Variants in C1orf74 observed in about 807,000 individuals in gnomAD.
C1orf74 encodes the protein UPF0739 protein C1orf74.
A neutral mutation model predicts 7.3 loss-of-function variants in C1orf74; 5 were observed. That is an observed-to-expected ratio of 0.68 (90% confidence interval 0.36 to 1.44). The LOEUF (loss-of-function observed/expected upper bound fraction) is 1.44. Ranked by LOEUF, C1orf74 falls within the 40% of genes most tolerant of loss-of-function variation. The pLI is 0.04. For synonymous variants in C1orf74, 121 were observed against 132.5 expected (o/e 0.91, Z 0.59); for missense variants, 291 against 314.3 (o/e 0.93, Z 0.56).
chr1:209,781,416 C>T lies in C1orf74; in HGVS notation c.*1409G>A, dbSNP rs1177015290. ...TCTCCTGCCTGCGTAAGCTGCAGCA[C>T]TGTCGAGAAGAGCTGAACCAGAGCC... On this transcript the variant is annotated 3_prime_UTR_variant, in exon 2 of 2. Coordinates refer to ENST00000294811, the MANE Select transcript of C1orf74 (RefSeq NM_152485.4). 1 of 1,613,672 alleles carries T rather than the reference C, an allele frequency of 6.2e-7. No homozygotes were observed. The highest frequency in any genetic ancestry group is 8.5e-7 in the Non-Finnish European group (1 of 1,179,784).
Position 209,783,583 on chromosome 1 carries a change from C to T in C1orf74, c.52G>A (p.Ala18Thr). Residue 18 changes from alanine to threonine, a missense_variant, in exon 2 of 2, where the codon GCT (alanine) becomes ACT (threonine). Transcript: ENST00000294811. ...SSPSPQLLVAAAQQTLGMGKR... is the reference protein window; with the variant it reads ...SSPSPQLLVATAQQTLGMGKR... ...CCCATGCCAAGGGTCTGCTGAGCAG[C>T]TGCCACCAGCAGCTGAGGGCTCGGT... is the stretch of plus-strand genomic sequence containing the variant. 1 of 1,611,688 alleles carries T rather than the reference C, an allele frequency of 6.2e-7. No homozygotes were observed. The highest frequency in any genetic ancestry group is 8.5e-7 in the Non-Finnish European group (1 of 1,179,066).
intron 1 of C1orf74, 77 bp from the exon 2 acceptor site, chr1:209,783,786 C>T (rs1218362501): frequency 3.1e-6 from 2 of 644,784 alleles, no homozygotes; most frequent in Non-Finnish European, 5.3e-6. Context: ...GTTATTCTGT[C>T]CCTCCCTGCT....
In C1orf74 at chr1:209,781,013, T is replaced by C. The variant is rs2077766839; in HGVS notation, c.*1812A>G. 5 of 194,632 alleles carry C rather than the reference T, an allele frequency of 2.6e-5. No individual in the cohort carries two copies. The South Asian group carries it at 3.9e-4, about 15-fold the overall frequency. 12.1% of individuals were successfully genotyped at this position (194,632 alleles called of 1,614,324 possible). A position where few individuals can be genotyped will look rare whatever the true frequency, so the allele number is the denominator to read the frequency against. On this transcript the variant is annotated 3_prime_UTR_variant, in exon 2 of 2. Coordinates refer to ENST00000294811, the MANE Select transcript of C1orf74 (RefSeq NM_152485.4). ...GCAACTAGCTCCTGGGAAAGAAACT[T>C]GTACTAAGGTCACTTCTAGGTCGTT...
chr1:209,780,362 G>C lies in C1orf74; in HGVS notation c.*2463C>G, dbSNP rs189288357. The C allele has an allele frequency of 2.8e-6, 3 of 1,081,852 alleles. No homozygotes were observed. The highest frequency in any genetic ancestry group is 3.7e-6 in the Non-Finnish European group (3 of 801,252). The allele number at this position is 1,081,852 out of a possible 1,614,324, so 67.0% of individuals were successfully genotyped here. A position where few individuals can be genotyped will look rare whatever the true frequency, so the allele number is the denominator to read the frequency against. The stretch of plus-strand genomic sequence containing the variant: ...ATGCCATCAGTCTAGCCAAGAGCAC[G>C]CCCTCCCAAGTTCCCTCCCCTCTCC... On this transcript the variant is annotated 3_prime_UTR_variant, in exon 2 of 2. Transcript: ENST00000294811.
In C1orf74 at chr1:209,782,316, C is replaced by T; in HGVS notation, c.*509G>A. The T allele has an allele frequency of 1.7e-6, 1 of 603,086 alleles. No homozygotes were observed. The allele number at this position is 603,086 out of a possible 1,614,324, so 37.4% of individuals were successfully genotyped here. A position where few individuals can be genotyped will look rare whatever the true frequency, so the allele number is the denominator to read the frequency against. Reference sequence around the variant, plus strand: ...ATAAACTTCACCTGACCAGATTGTTCCTCAGAACTCTCAGTTTATTCCTGA... The same window carrying T: ...ATAAACTTCACCTGACCAGATTGTTTCTCAGAACTCTCAGTTTATTCCTGA... On this transcript the variant is annotated 3_prime_UTR_variant, in exon 2 of 2. Coordinates refer to ENST00000294811, the MANE Select transcript of C1orf74 (RefSeq NM_152485.4).
chr1:209,784,359 A>G lies in C1orf74; in HGVS notation c.-76+19T>C, dbSNP rs1021697497. On this transcript the variant is annotated intron_variant, in intron 1 of 1. Transcript: ENST00000294811. Reference sequence around the variant, plus strand: ...GTTATAGTGATTTGCTAAATGAGGCATAAGTCTGTCTCACATACGTTCTTT... The same window carrying G: ...GTTATAGTGATTTGCTAAATGAGGCGTAAGTCTGTCTCACATACGTTCTTT... The G allele has an allele frequency of 1.3e-5, 2 of 152,274 alleles. No homozygotes were observed. Among genetic ancestry groups the G allele is most frequent in the East Asian group, 1.9e-4 (1 of 5,202 alleles). The allele number at this position is 152,274 out of a possible 1,614,324, so 9.4% of individuals were successfully genotyped here.
At position 209,781,825 on chromosome 1, in the gene C1orf74, A is replaced by C. The variant is rs1251940869; in HGVS notation, c.*1000T>G. 1.8e-6 allele frequency: 1 copy of C among 550,156 alleles called. No homozygotes were observed. The highest frequency in any genetic ancestry group is 1.9e-5 in the African/African-American group (1 of 52,932). The allele number at this position is 550,156 out of a possible 1,614,324, so 34.1% of individuals were successfully genotyped here. On this transcript the variant is annotated 3_prime_UTR_variant, in exon 2 of 2. Transcript: ENST00000294811. The stretch of plus-strand genomic sequence containing the variant: ...TTTTCCACCCTTCATTATTCATATC[A>C]GTATTTATATATCTGGTCCCTGATG...
Position 209,780,385 on chromosome 1 carries a change from T to C in C1orf74, c.*2440A>G, listed in dbSNP as rs949247006. ...ACGCCCTCCCAAGTTCCCTCCCCTC[T>C]CCCCACTCCTAGTGGTTTCACCCTC... On this transcript the variant is annotated 3_prime_UTR_variant, in exon 2 of 2. Coordinates refer to ENST00000294811, the MANE Select transcript of C1orf74 (RefSeq NM_152485.4). 1.6e-4 allele frequency: 211 copies of C among 1,306,422 alleles called. 2 individuals carry two copies. In the Middle Eastern group the frequency reaches 6.6e-3, roughly 41 times the overall value. 80.9% of individuals were successfully genotyped at this position (1,306,422 alleles called of 1,614,324 possible).
In C1orf74 at chr1:209,781,374, C is replaced by A. The variant is rs1222622368; in HGVS notation, c.*1451G>T. 4 of 1,613,274 alleles carry A rather than the reference C, an allele frequency of 2.5e-6. No homozygotes were observed. Among genetic ancestry groups the A allele is most frequent in the East Asian group, 4.5e-5 (2 of 44,878 alleles). ...GAGAACTGCATTCAGAATTAGACAA[C>A]CTCAGTGACGAGTATCTCTCCTGCC... On this transcript the variant is annotated 3_prime_UTR_variant, in exon 2 of 2. Coordinates refer to ENST00000294811, the MANE Select transcript of C1orf74 (RefSeq NM_152485.4).
In C1orf74 at chr1:209,780,391, C is replaced by A. The variant is rs2077750202; in HGVS notation, c.*2434G>T. On this transcript the variant is annotated 3_prime_UTR_variant, in exon 2 of 2. Coordinates refer to ENST00000294811, the MANE Select transcript of C1orf74 (RefSeq NM_152485.4). ...TCCCAAGTTCCCTCCCCTCTCCCCACTCCTAGTGGTTTCACCCTCAGGGCC... is the reference window on the plus strand; with the variant it reads ...TCCCAAGTTCCCTCCCCTCTCCCCAATCCTAGTGGTTTCACCCTCAGGGCC... 3 of 1,356,988 alleles carry A rather than the reference C, an allele frequency of 2.2e-6. No individual in the cohort carries two copies. The highest frequency in any genetic ancestry group is 2.9e-6 in the Non-Finnish European group (3 of 1,031,808). 84.1% of individuals were successfully genotyped at this position (1,356,988 alleles called of 1,614,324 possible).
At position 209,783,059 on chromosome 1, in the gene C1orf74, G is replaced by C. The variant is rs2077807426; in HGVS notation, c.576C>G (p.Asp192Glu). The change falls in exon 2 of 2, where the codon GAC becomes GAG. Residue 192 changes from aspartate (D) to glutamate (E), a missense_variant. Coordinates refer to ENST00000294811, the MANE Select transcript of C1orf74 (RefSeq NM_152485.4). The stretch of plus-strand genomic sequence containing the variant: ...GTAGTGGAGTCAGAGCTAAGCAGTT[G>C]TCATCTCCCTGGTTCAGGTGAAAGG... The part of the protein sequence containing the change: ...PYTFHLNQGD[D>E]NCLALTPLRV... 6.2e-7 allele frequency: 1 copy of C among 1,614,074 alleles called. No individual in the cohort carries two copies. The highest frequency in any genetic ancestry group is 1.7e-5 in the Admixed American group (1 of 59,990).
chr1:209,782,521 T>C lies in C1orf74; in HGVS notation c.*304A>G, dbSNP rs1343901634. On this transcript the variant is annotated 3_prime_UTR_variant, in exon 2 of 2. Coordinates refer to ENST00000294811, the MANE Select transcript of C1orf74 (RefSeq NM_152485.4). Reference sequence around the variant, plus strand: ...ACCATGCAAGAGTGTTTGGCTTGTCTTCCATCACCCTGCTTTTCCTCTATC... The same window carrying C: ...ACCATGCAAGAGTGTTTGGCTTGTCCTCCATCACCCTGCTTTTCCTCTATC... The C allele has an allele frequency of 2.1e-6, 1 of 484,278 alleles. No individual in the cohort carries two copies. Among genetic ancestry groups the C allele is most frequent in the Admixed American group, 3.6e-5 (1 of 27,688 alleles). 30.0% of individuals were successfully genotyped at this position (484,278 alleles called of 1,614,324 possible). A position where few individuals can be genotyped will look rare whatever the true frequency, so the allele number is the denominator to read the frequency against.
At position 209,782,000 on chromosome 1, in the gene C1orf74, A is replaced by C. The variant is rs140967802; in HGVS notation, c.*825T>G. Reference sequence around the variant, plus strand: ...GTAGGAAGAAGAAAGATTTTTGCCTATATCTTTTCCAATCCACTCATGGCC... The same window carrying C: ...GTAGGAAGAAGAAAGATTTTTGCCTCTATCTTTTCCAATCCACTCATGGCC... On this transcript the variant is annotated 3_prime_UTR_variant, in exon 2 of 2. Coordinates refer to ENST00000294811, the MANE Select transcript of C1orf74 (RefSeq NM_152485.4). 7.0e-7 allele frequency: 1 copy of C among 1,428,772 alleles called. No homozygotes were observed. Among genetic ancestry groups the C allele is most frequent in the Non-Finnish European group, 9.9e-7 (1 of 1,011,954 alleles). 88.5% of individuals were successfully genotyped at this position (1,428,772 alleles called of 1,614,324 possible). A position where few individuals can be genotyped will look rare whatever the true frequency, so the allele number is the denominator to read the frequency against.
chr1:209,782,022 G>A lies in C1orf74; in HGVS notation c.*803C>T. On this transcript the variant is annotated 3_prime_UTR_variant, in exon 2 of 2. Coordinates refer to ENST00000294811, the MANE Select transcript of C1orf74 (RefSeq NM_152485.4). ...CCTATATCTTTTCCAATCCACTCAT[G>A]GCCACTTTCTTCTGTCTCCCTGTCC... 6.4e-7 allele frequency: 1 copy of A among 1,560,070 alleles called. No individual in the cohort carries two copies. The highest frequency in any genetic ancestry group is 8.8e-7 in the Non-Finnish European group (1 of 1,130,744).
rs765735571 is a variant in C1orf74 at position 209,783,478 on chromosome 1, C to A, written c.157G>T (p.Ala53Ser). ...VLAVARGLKP[A>S]VLYDCNCAGA... The stretch of plus-strand genomic sequence containing the variant: ...GCACAGTTGCAATCATAGAGCACAG[C>A]TGGCTTCAGTCCCCGGGCCACAGCC... The change falls in exon 2 of 2, where the codon GCT (alanine) becomes TCT (serine). Residue 53 changes from alanine to serine, a missense_variant. Ala to Ser is a moderately conservative substitution (Grantham distance 99). Coordinates refer to ENST00000294811, the MANE Select transcript of C1orf74 (RefSeq NM_152485.4). 2 of 1,614,052 alleles carry A rather than the reference C, an allele frequency of 1.2e-6. No individual in the cohort carries two copies.
In C1orf74 at chr1:209,783,486, A is replaced by G; in HGVS notation, c.149T>C (p.Leu50Pro). Residue 50 changes from leucine (L) to proline (P), a missense_variant, in exon 2 of 2, where the codon CTG becomes CCG. Coordinates refer to ENST00000294811, the MANE Select transcript of C1orf74 (RefSeq NM_152485.4). ...GCAATCATAGAGCACAGCTGGCTTC[A>G]GTCCCCGGGCCACAGCCAGCACCTC... is the stretch of plus-strand genomic sequence containing the variant. ...AGEVLAVARGLKPAVLYDCNC... is the reference protein window; with the variant it reads ...AGEVLAVARGPKPAVLYDCNC... 1.2e-6 allele frequency: 2 copies of G among 1,614,208 alleles called. No individual in the cohort carries two copies. The highest frequency in any genetic ancestry group is 1.7e-6 in the Non-Finnish European group (2 of 1,180,032).
In C1orf74 at chr1:209,783,581, A is replaced by G; in HGVS notation, c.54T>C (p.Ala18=). The change falls in exon 2 of 2, where the codon GCT becomes GCC. Residue 18 remains alanine, a synonymous_variant. Coordinates refer to ENST00000294811, the MANE Select transcript of C1orf74 (RefSeq NM_152485.4). ...SSPSPQLLVA[A]AQQTLGMGKR... ...TTCCCATGCCAAGGGTCTGCTGAGC[A>G]GCTGCCACCAGCAGCTGAGGGCTCG... is the stretch of plus-strand genomic sequence containing the variant. 6.2e-7 allele frequency: 1 copy of G among 1,611,834 alleles called. No individual in the cohort carries two copies. The highest frequency in any genetic ancestry group is 8.5e-7 in the Non-Finnish European group (1 of 1,179,172).
In C1orf74 at chr1:209,781,489, T is replaced by G. The variant is rs766038096; in HGVS notation, c.*1336A>C. The G allele has an allele frequency of 6.7e-7, 1 of 1,503,060 alleles. No homozygotes were observed. Among genetic ancestry groups the G allele is most frequent in the South Asian group, 1.1e-5 (1 of 88,418 alleles). 93.1% of individuals were successfully genotyped at this position (1,503,060 alleles called of 1,614,324 possible). A position where few individuals can be genotyped will look rare whatever the true frequency, so the allele number is the denominator to read the frequency against. On this transcript the variant is annotated 3_prime_UTR_variant, in exon 2 of 2. Transcript: ENST00000294811. Reference sequence around the variant, plus strand: ...AGGGTCTCTCCTTCCCATAAAGCCCTGGATGATGGGACGATTCCTTCTTTA... The same window carrying G: ...AGGGTCTCTCCTTCCCATAAAGCCCGGGATGATGGGACGATTCCTTCTTTA...
Position 209,782,196 on chromosome 1 carries a change from A to G in C1orf74, c.*629T>C. 1 of 1,493,582 alleles carries G rather than the reference A, an allele frequency of 6.7e-7. No homozygotes were observed. The highest frequency in any genetic ancestry group is 1.7e-5 in the Admixed American group (1 of 59,856). The allele number at this position is 1,493,582 out of a possible 1,614,324, so 92.5% of individuals were successfully genotyped here. A position where few individuals can be genotyped will look rare whatever the true frequency, so the allele number is the denominator to read the frequency against. ...GGTGAAAATCAGAAGCAAGCAACTC[A>G]GCGAAAAACTCAGAAGGTTTGGGTA... On this transcript the variant is annotated 3_prime_UTR_variant, in exon 2 of 2. Coordinates refer to ENST00000294811, the MANE Select transcript of C1orf74 (RefSeq NM_152485.4).
Sources: allele counts gnomAD v4.1 joint callset, GRCh38; gene constraint gnomAD v4.1.1; transcripts MANE v1.5; gene names NCBI Gene and HGNC (gene_info 2026-07-23, HGNC 2026-07-21).